Variants in ICAM2 observed in about 807,000 individuals in gnomAD.
ICAM2 encodes ICAM-2.
ICAM2 carries 14 observed loss-of-function variants against 19.1 expected under a neutral mutation model. That is an observed-to-expected ratio of 0.73 (90% CI 0.48 to 1.15). The LOEUF is 1.15. ICAM2 is among the 50% of genes most tolerant of loss of function. The pLI is 0.00. For synonymous variants in ICAM2, 153 were observed against 152.7 expected, an observed-to-expected ratio of 1.00 and a Z score of -0.01; for missense variants, 311 against 355.4, an observed-to-expected ratio of 0.88 and a Z score of 1.00.
At chr17:64,011,189 G>A (rs147860286) in intron 1 of ICAM2, among the ~76,000 whole-genome samples, 14 of 152,330 alleles carry the variant, frequency 9.2e-5, no homozygotes, top group African/African-American at 3.1e-4. Context: ...TGGGCCAGGC[G>A]TGGTGGCTTA....
Position 64,003,634 on chromosome 17 carries a change from C to A in ICAM2, c.649+10G>T. 1 of 1,605,370 alleles carries A rather than the reference C, an allele frequency of 6.2e-7. No homozygotes were observed. The highest frequency in any genetic ancestry group is 8.5e-7 in the Non-Finnish European group (1 of 1,174,300). On this transcript the variant is annotated intron_variant, in intron 4 of 4. Coordinates refer to ENST00000579788, the MANE Select transcript of ICAM2 (RefSeq NM_001099789.2). ...ATCACTCCCAACTCCATCCACGGAT[C>A]CCCCCTCACCATAGATCTCCAACAT...
rs150618761 is a variant in ICAM2, at chr17:64,012,069, G to A, written c.-44-5334C>T. On this transcript the variant is annotated intron_variant, in intron 1 of 4. Coordinates refer to ENST00000579788, the MANE Select transcript of ICAM2 (RefSeq NM_001099789.2). ...AGAAAATCTGATACATATATACAGT[G>A]GAATACTATTCAGCCTTAAAAAGAA... Among the ~76,000 whole-genome samples, 297 of 152,266 alleles carry A rather than the reference G, an allele frequency of 2.0e-3. 2 individuals are homozygous for A. Among genetic ancestry groups the A allele is most frequent in the African/African-American group, 6.9e-3 (285 of 41,542 alleles).
intron 1 of ICAM2, among the ~76,000 whole-genome samples, chr17:64,011,990 C>T (rs1045635659): frequency 1.3e-5 from 2 of 152,062 alleles, no homozygotes; most frequent in Non-Finnish European, 2.9e-5. Flanking sequence ...GCATTATTCA[C>T]AATAGACAAG....
chr17:64,006,923 C>A (rs868807858), intron 1 of ICAM2, 188 bp from the exon 2 acceptor site: 1 of 579,552 alleles, frequency 1.7e-6, no homozygotes, highest in Middle Eastern at 4.7e-4. Context: ...ATAAGCAGGG[C>A]ATAACCCAGT....
At position 64,020,518 on chromosome 17, in the gene ICAM2, C is replaced by T. The variant is rs1259743536; in HGVS notation, c.-45+5G>A. Reference sequence around the variant, plus strand: ...TTGGAGGGAAAGTGAGAAGCTCAACCTTACCCCTGTGGGCTCCAAGAAGGG... The same window carrying T: ...TTGGAGGGAAAGTGAGAAGCTCAACTTTACCCCTGTGGGCTCCAAGAAGGG... On this transcript the variant is annotated splice_donor_5th_base_variant and intron_variant, in intron 1 of 4. Transcript: ENST00000579788. The T allele has an allele frequency of 3.9e-5, 6 of 152,222 alleles. No individual in the cohort carries two copies. The highest frequency in any genetic ancestry group is 3.3e-4 in the Admixed American group (5 of 15,270). 9.4% of individuals were successfully genotyped at this position (152,222 alleles called of 1,614,324 possible). A position where few individuals can be genotyped will look rare whatever the true frequency, so the allele number is the denominator to read the frequency against.
intron 4 of ICAM2, 29 bp downstream of exon 4, chr17:64,003,615 C>A (rs1910966716): frequency 1.3e-6 from 2 of 1,593,998 alleles, no homozygotes; most frequent in South Asian, 1.1e-5. Flanking sequence ...ACTTATCACT[C>A]CCAACTCCAT....
chr17:64,009,337 C>T (rs1052301679), intron 1 of ICAM2, among the ~76,000 whole-genome samples: 2 of 150,870 alleles, frequency 1.3e-5, no homozygotes, highest in African/African-American at 4.9e-5. Context: ...CTTCCTCCTG[C>T]TACTGCTAAA....
At chr17:64,011,809 C>A (rs1911464634) in intron 1 of ICAM2, among the ~76,000 whole-genome samples, 1 of 152,108 alleles carries the variant, frequency 6.6e-6, no homozygotes, top group Non-Finnish European at 1.5e-5. Flanking sequence ...TGCTTACATG[C>A]AGTTAGGAAG....
In ICAM2 at chr17:64,003,640, T is replaced by A; in HGVS notation, c.649+4A>T. 6.2e-7 allele frequency: 1 copy of A among 1,610,038 alleles called. No individual in the cohort carries two copies. The highest frequency in any genetic ancestry group is 1.1e-5 in the South Asian group (1 of 90,528). The stretch of plus-strand genomic sequence containing the variant: ...CCCAACTCCATCCACGGATCCCCCC[T>A]CACCATAGATCTCCAACATCTTCGG... On this transcript the variant is annotated splice_donor_region_variant and intron_variant, in intron 4 of 4. Transcript: ENST00000579788.
At chr17:64,018,060 C>A (rs1344958803) in intron 1 of ICAM2, among the ~76,000 whole-genome samples, 1 of 151,948 alleles carries the variant, frequency 6.6e-6, no homozygotes, top group Non-Finnish European at 1.5e-5. Context: ...TACAAAGAAA[C>A]AGGTCGGGTG....
chr17:64,006,410 G>C, intron 2 of ICAM2: 1 of 521,176 alleles, frequency 1.9e-6, no homozygotes, highest in African/African-American at 1.9e-5. Flanking sequence ...GGCTGAGGTG[G>C]GAGGATCACC....
intron 2 of ICAM2, chr17:64,006,168 A>G (rs1331106692): frequency 6.3e-6 from 1 of 159,100 alleles, no homozygotes; most frequent in Non-Finnish European, 1.4e-5. Context: ...CACACCCTGC[A>G]CTCCAGCCTG....
rs138386618 is a variant in ICAM2 at position 64,014,286 on chromosome 17, C to A, written c.-45+6237G>T. On this transcript the variant is annotated intron_variant, in intron 1 of 4. Coordinates refer to ENST00000579788, the MANE Select transcript of ICAM2 (RefSeq NM_001099789.2). ...CCCAGGAATTTGAGACAGGCCTGGG[C>A]AACATGGTAAGATCACATCTGAAAG... 2.4e-3 allele frequency among the ~76,000 whole-genome samples: 316 copies of A among 129,652 alleles called. 2 individuals carry two copies. Among genetic ancestry groups the A allele is most frequent in the African/African-American group, 8.8e-3 (299 of 34,040 alleles). The allele number at this position is 129,652 out of a possible 152,430, so 85.1% of individuals were successfully genotyped here. A position where few individuals can be genotyped will look rare whatever the true frequency, so the allele number is the denominator to read the frequency against.
At chr17:64,012,470 T>C (rs989194282) in intron 1 of ICAM2, among the ~76,000 whole-genome samples, 1 of 152,130 alleles carries the variant, frequency 6.6e-6, no homozygotes, top group Non-Finnish European at 1.5e-5. Context: ...CATAGTGGTG[T>C]GTATCTGTAA....
In ICAM2 at chr17:64,002,778, C is replaced by T; in HGVS notation, c.797G>A (p.Trp266Ter). The change falls in exon 5 of 5, where the codon TGG becomes TAG. Residue 266 changes from tryptophan (W) to a stop codon, truncating the protein, a stop_gained. Coordinates refer to ENST00000579788, the MANE Select transcript of ICAM2 (RefSeq NM_001099789.2). LOFTEE classifies it high-confidence loss of function. ...CCGGAAGGCCTGGGGCAGCCTCCTC[C>T]AAGCCGCTCGCACCCCGTAGGTGCC... is the stretch of plus-strand genomic sequence containing the variant. ...RMGTYGVRAA[W>*]RRLPQAFRP 1.9e-6 allele frequency: 3 copies of T among 1,612,734 alleles called. No homozygotes were observed. The highest frequency in any genetic ancestry group is 2.5e-6 in the Non-Finnish European group (3 of 1,179,916).
chr17:64,006,768 A>G, intron 1 of ICAM2, 33 bp from the exon 2 acceptor site: 1 of 1,293,852 alleles, frequency 7.7e-7, no homozygotes, highest in Non-Finnish European at 1.1e-6. Flanking sequence ...GGTCTGAGCT[A>G]TGGCCCAGAA....
chr17:64,011,316 GC>G (rs1567848347), intron 1 of ICAM2, among the ~76,000 whole-genome samples: 1 of 152,136 alleles, frequency 6.6e-6, no homozygotes, highest in Admixed American at 6.6e-5. Flanking sequence ...CAAAAAAGTA[GC>G]TGGGCGTAGT....
chr17:64,017,817 A>G (rs1270324410), intron 1 of ICAM2, among the ~76,000 whole-genome samples: 1 of 152,200 alleles, frequency 6.6e-6, no homozygotes, highest in Non-Finnish European at 1.5e-5. Flanking sequence ...ATCACTGGGT[A>G]AGAGAAGAGC....
intron 1 of ICAM2, among the ~76,000 whole-genome samples, chr17:64,017,190 G>A (rs995722904): frequency 2.0e-5 from 3 of 152,160 alleles, no homozygotes; most frequent in Non-Finnish European, 4.4e-5. Context: ...TGTATATGGC[G>A]TGACTACCCA....
Sources: allele counts gnomAD v4.1 joint callset (sites outside exome capture counted in the v4.1 genomes callset), GRCh38; gene constraint gnomAD v4.1.1; transcripts MANE v1.5; gene names NCBI Gene and HGNC (gene_info 2026-07-23, HGNC 2026-07-21).